The following DOCK3 variants were observed in gnomAD, a reference collection of about 807,000 sequenced individuals.
DOCK3 encodes the protein dedicator of cytokinesis 3.
Under a neutral mutation model 265.6 loss-of-function variants are expected in DOCK3, and 60 were observed. The ratio of observed to expected loss-of-function variants is 0.23; its 90% confidence interval spans 0.18 to 0.28. DOCK3 has a LOEUF of 0.28. Ranked by LOEUF, DOCK3 falls within the 10% of genes least tolerant of loss-of-function variation. DOCK3 has a pLI of 1.00. For synonymous variants in DOCK3, 881 were observed against 938.0 expected (o/e 0.94, Z 1.11); for missense variants, 1,981 against 2,594.3 (o/e 0.76, Z 5.14).
At position 51,280,207 on chromosome 3, in the gene DOCK3, A is replaced by T. The variant is rs911850064; in HGVS notation, c.2922+3A>T. The T allele has an allele frequency of 6.2e-7, 1 of 1,612,560 alleles. No individual in the cohort carries two copies. The highest frequency in any genetic ancestry group is 1.7e-5 in the Admixed American group (1 of 59,862). On this transcript the variant is annotated splice_donor_region_variant and intron_variant, in intron 27 of 52. Transcript: ENST00000266037. Reference sequence around the variant, plus strand: ...TCCAGAGCAAAGATGAACTCAAGGTAGGCAGTAGAACACCTTTCCTCTGGG... The same window carrying T: ...TCCAGAGCAAAGATGAACTCAAGGTTGGCAGTAGAACACCTTTCCTCTGGG...
intron 1 of DOCK3, among the ~76,000 whole-genome samples, chr3:50,694,418 A>C (rs930455514): frequency 1.3e-5 from 2 of 152,218 alleles, no homozygotes; most frequent in Admixed American, 6.5e-5. Context: ...ATTCCAGAAA[A>C]GTGTATTTTA....
At chr3:50,836,265 C>T (rs1342975803) in intron 2 of DOCK3, among the ~76,000 whole-genome samples, 1 of 152,236 alleles carries the variant, frequency 6.6e-6, no homozygotes, top group Non-Finnish European at 1.5e-5. Flanking sequence ...CTGCACTGCC[C>T]TAGCAGAGGT....
At chr3:50,705,199 T>C (rs1484267146) in intron 1 of DOCK3, among the ~76,000 whole-genome samples, 3 of 152,132 alleles carry the variant, frequency 2.0e-5, no homozygotes, top group Non-Finnish European at 4.4e-5. Flanking sequence ...TGTGTTTTCA[T>C]GATGGTATGT....
At chr3:51,154,786 T>G (rs2085763475) in intron 10 of DOCK3, among the ~76,000 whole-genome samples, 1 of 152,190 alleles carries the variant, frequency 6.6e-6, no homozygotes, top group African/African-American at 2.4e-5. Flanking sequence ...GTAATTACAG[T>G]AAATTAAAAT....
In DOCK3 at chr3:51,015,827, CATATATTTCTATATATG is replaced by C. The variant is rs2079147774; in HGVS notation, c.316-48614_316-48598del. Among the ~76,000 whole-genome samples, 12 of 18,150 alleles carry C rather than the reference CATATATTTCTATATATG, an allele frequency of 6.6e-4. 4 individuals are homozygous for C. Among genetic ancestry groups the C allele is most frequent in the African/African-American group, 4.9e-3 (12 of 2,426 alleles). 11.9% of individuals were successfully genotyped at this position (18,150 alleles called of 152,430 possible). ...ATATTTCTATATATGATATATATAT[CATATATTTCTATATATG>C]ATATATATCATATATATGATATATA... On this transcript the variant is annotated intron_variant, in intron 5 of 52. Coordinates refer to ENST00000266037, the MANE Select transcript of DOCK3 (RefSeq NM_004947.5).
At chr3:50,891,642 G>T (rs1297204611) in intron 4 of DOCK3, among the ~76,000 whole-genome samples, 1 of 139,864 alleles carries the variant, frequency 7.1e-6, no homozygotes, top group Non-Finnish European at 1.5e-5. Flanking sequence ...AATGTGAATG[G>T]CTTATTATAA....
At chr3:51,035,037 C>T (rs1184503457) in intron 5 of DOCK3, among the ~76,000 whole-genome samples, 1 of 151,812 alleles carries the variant, frequency 6.6e-6, no homozygotes, top group Non-Finnish European at 1.5e-5. Flanking sequence ...TATGGTGTAC[C>T]TATGCATTAA....
At chr3:51,378,242 G>A (rs1000807206) in intron 51 of DOCK3, among the ~76,000 whole-genome samples, 7 of 152,212 alleles carry the variant, frequency 4.6e-5, no homozygotes, top group Admixed American at 2.6e-4. Flanking sequence ...GCAATTCTCA[G>A]AACTGAGGCT....
chr3:51,192,305 C>CA (rs1027881201), intron 12 of DOCK3, among the ~76,000 whole-genome samples: 7 of 150,234 alleles, frequency 4.7e-5, no homozygotes, highest in East Asian at 4.1e-4. Flanking sequence ...CTGCTTGTTC[C>CA]AAAAAAAATT....
chr3:50,894,937 C>T (rs536126988), intron 4 of DOCK3, among the ~76,000 whole-genome samples: 2 of 152,200 alleles, frequency 1.3e-5, no homozygotes, highest in African/African-American at 4.8e-5. Context: ...CTAGGTCTCC[C>T]AGCTGTATTT....
chr3:50,738,657 G>A (rs2038802126), intron 1 of DOCK3, among the ~76,000 whole-genome samples: 1 of 152,178 alleles, frequency 6.6e-6, no homozygotes, highest in East Asian at 1.9e-4. Context: ...TCCTGTTACA[G>A]GTGCAGATTA....
intron 2 of DOCK3, among the ~76,000 whole-genome samples, chr3:50,785,808 A>G (rs1339833269): frequency 6.6e-6 from 1 of 152,152 alleles, no homozygotes; most frequent in African/African-American, 2.4e-5. Context: ...TTTGATATTA[A>G]GGTGATACTG....
chr3:50,934,735 C>G (rs1253269108), intron 5 of DOCK3, among the ~76,000 whole-genome samples: 2 of 150,004 alleles, frequency 1.3e-5, no homozygotes, highest in Non-Finnish European at 3.0e-5. Flanking sequence ...GAGACCTTGT[C>G]TCTTAAAAAA....
intron 2 of DOCK3, chr3:50,786,955 C>T (rs1234744640): frequency 4.1e-6 from 3 of 740,310 alleles, no homozygotes; most frequent in Non-Finnish European, 7.6e-6. Flanking sequence ...ATGTAAATGG[C>T]ATGTCTTTCA....
intron 31 of DOCK3, among the ~76,000 whole-genome samples, chr3:51,314,698 C>CAAA (rs2083272543): frequency 6.6e-6 from 1 of 152,184 alleles, no homozygotes; most frequent in Non-Finnish European, 1.5e-5. Context: ...AAACTCTGTT[C>CAAA]CTTCATCTCA....
intron 5 of DOCK3, among the ~76,000 whole-genome samples, chr3:50,969,458 A>G (rs919972010): frequency 3.3e-5 from 5 of 152,092 alleles, no homozygotes; most frequent in Non-Finnish European, 7.3e-5. Flanking sequence ...TAAATGGTGC[A>G]TTTAATCCAT....
At chr3:50,934,119 G>A (rs776703272) in intron 5 of DOCK3, 42 bp downstream of exon 5, 1 of 1,364,796 alleles carries the variant, frequency 7.3e-7, no homozygotes, top group Non-Finnish European at 1.0e-6. Flanking sequence ...TTAAAGTTTA[G>A]TGTACCAAGT....
intron 32 of DOCK3, among the ~76,000 whole-genome samples, chr3:51,319,156 A>T (rs907607852): frequency 6.6e-6 from 1 of 152,174 alleles, no homozygotes; most frequent in African/African-American, 2.4e-5. Flanking sequence ...AGTGAATATG[A>T]TACTATCCTT....
intron 3 of DOCK3, among the ~76,000 whole-genome samples, chr3:50,873,505 G>A (rs1195719358): frequency 6.6e-6 from 1 of 152,144 alleles, no homozygotes; most frequent in African/African-American, 2.4e-5. Context: ...GTACAGCCTG[G>A]GGTTAAGGGA....
Sources: allele counts gnomAD v4.1 joint callset (sites outside exome capture counted in the v4.1 genomes callset), GRCh38; gene constraint gnomAD v4.1.1; transcripts MANE v1.5; gene names NCBI Gene and HGNC (gene_info 2026-07-23, HGNC 2026-07-21).